The following DIAPH3 variants were observed in gnomAD, a reference collection of about 807,000 sequenced individuals.
DIAPH3 encodes the protein diaphanous related formin 3.
DIAPH3 carries 117 observed loss-of-function variants against 144.3 expected under a neutral mutation model. The observed-to-expected ratio is 0.81, with a 90% CI of 0.70 to 0.95. The LOEUF (loss-of-function observed/expected upper bound fraction) is 0.95, where lower values mean the gene tolerates loss of function less well. Among genes scored for constraint, DIAPH3 ranks in the 40% least tolerant of loss-of-function variants. The pLI is 0.00. For missense variants in DIAPH3, 1,421 were observed against 1,412.7 expected (o/e 1.01, Z -0.09); for synonymous variants, 519 against 488.9 (o/e 1.06, Z -0.81).
chr13:59,935,671 T>C (rs968491080), intron 17 of DIAPH3, among the ~76,000 whole-genome samples: 10 of 152,246 alleles, frequency 6.6e-5, no homozygotes, highest in African/African-American at 2.4e-4. Flanking sequence ...TTTAGTCATA[T>C]CTGGCTTCCC....
At chr13:59,976,869 C>T (rs549431224) in intron 14 of DIAPH3, among the ~76,000 whole-genome samples, 50 of 151,798 alleles carry the variant, frequency 3.3e-4, no homozygotes, top group Non-Finnish European at 5.2e-4. Flanking sequence ...TCAAGACAGA[C>T]GAAAAAACAT....
At chr13:60,083,910 T>C (rs1347922774) in intron 4 of DIAPH3, among the ~76,000 whole-genome samples, 13 of 2,164 alleles carry the variant, frequency 6.0e-3, no homozygotes. Context: ...GATGGACAGA[T>C]GGATGGATGG....
At chr13:60,053,055 T>C (rs1192892247) in intron 4 of DIAPH3, among the ~76,000 whole-genome samples, 1 of 149,442 alleles carries the variant, frequency 6.7e-6, no homozygotes, top group Non-Finnish European at 1.5e-5. Flanking sequence ...CCAGAGAGAC[T>C]ATTTTTCAAC....
chr13:60,114,642 GACACACACACAC>G (rs34572381), intron 2 of DIAPH3, among the ~76,000 whole-genome samples: 8 of 148,106 alleles, frequency 5.4e-5, no homozygotes, highest in South Asian at 4.3e-4. Flanking sequence ...GAATACAAAA[GACACACACACAC>G]ACACACACAC....
intron 4 of DIAPH3, among the ~76,000 whole-genome samples, chr13:60,073,192 T>C (rs1419586153): frequency 6.6e-6 from 1 of 151,606 alleles, no homozygotes. Flanking sequence ...GCCTGTAATC[T>C]CAGCTACTCA....
chr13:60,125,727 T>G (rs1222899498), intron 2 of DIAPH3, among the ~76,000 whole-genome samples: 1 of 152,070 alleles, frequency 6.6e-6, no homozygotes, highest in African/African-American at 2.4e-5. Flanking sequence ...AATTAAGCAG[T>G]TTCAAACAGC....
chr13:59,810,519 A>G (rs1304455139), intron 25 of DIAPH3, among the ~76,000 whole-genome samples: 1 of 152,240 alleles, frequency 6.6e-6, no homozygotes, highest in Non-Finnish European at 1.5e-5. Flanking sequence ...TTATTGAGGT[A>G]GTAATTAAAG....
intron 27 of DIAPH3, among the ~76,000 whole-genome samples, chr13:59,727,907 T>C (rs1241585522): frequency 2.0e-5 from 3 of 152,124 alleles, no homozygotes; most frequent in African/African-American, 7.2e-5. Flanking sequence ...TGGACAGTAA[T>C]TGATTCTAAG....
chr13:59,791,446 CTAT>C (rs1316486850), intron 25 of DIAPH3, among the ~76,000 whole-genome samples: 8 of 152,112 alleles, frequency 5.3e-5, no homozygotes. Context: ...TTCAAAGTAG[CTAT>C]TATCTAATCC....
rs2140272070 is a variant in DIAPH3 at position 59,918,255 on chromosome 13, A to T, written c.2171-2006T>A. ...AGAGAGAGAGATACTGTCCACTTGA[A>T]AAAAAAGAGAAGTGAACATAGAAAT... On this transcript the variant is annotated intron_variant, in intron 18 of 27. Coordinates refer to ENST00000400324, the MANE Select transcript of DIAPH3 (RefSeq NM_001042517.2). Among the ~76,000 whole-genome samples, 2 of 151,976 alleles carry T rather than the reference A, an allele frequency of 1.3e-5. 1 individual carries two copies. The highest frequency in any genetic ancestry group is 2.9e-5 in the Non-Finnish European group (2 of 67,950).
chr13:59,970,099 T>TA, intron 16 of DIAPH3, 41 bp from the exon 17 acceptor site: 1 of 1,206,672 alleles, frequency 8.3e-7, no homozygotes, highest in Non-Finnish European at 1.2e-6. Context: ...TAGGTGAGTG[T>TA]TTCACCTGTC....
intron 4 of DIAPH3, among the ~76,000 whole-genome samples, chr13:60,076,333 C>A (rs17057589): frequency 0.047 from 7,098 of 152,170 alleles, 245 homozygotes; most frequent in Admixed American, 0.093. Flanking sequence ...TCCGAAGAAA[C>A]CCCCTCTGTC....
intron 2 of DIAPH3, among the ~76,000 whole-genome samples, chr13:60,120,387 T>C (rs1320902202): frequency 6.6e-6 from 1 of 152,212 alleles, no homozygotes; most frequent in Non-Finnish European, 1.5e-5. Context: ...AACTGCATTC[T>C]GACTTCGATA....
intron 21 of DIAPH3, among the ~76,000 whole-genome samples, chr13:59,863,638 T>A (rs985834431): frequency 3.3e-5 from 5 of 152,016 alleles, no homozygotes; most frequent in African/African-American, 1.2e-4. Flanking sequence ...ATGACACATG[T>A]AATAGGTTCA....
chr13:59,868,480 T>C (rs986653325), intron 21 of DIAPH3, among the ~76,000 whole-genome samples: 3 of 152,164 alleles, frequency 2.0e-5, no homozygotes, highest in Non-Finnish European at 4.4e-5. Context: ...CTGTATACCC[T>C]TCCCTACACA....
At chr13:59,989,773 C>G (rs2051685926) in intron 12 of DIAPH3, among the ~76,000 whole-genome samples, 2 of 151,878 alleles carry the variant, frequency 1.3e-5, no homozygotes, top group Non-Finnish European at 1.5e-5. Flanking sequence ...ACCACATGCT[C>G]TCTTGGGGCA....
intron 27 of DIAPH3, among the ~76,000 whole-genome samples, chr13:59,758,391 T>C (rs542261220): frequency 6.6e-6 from 1 of 152,332 alleles, no homozygotes; most frequent in East Asian, 1.9e-4. Context: ...TACAGCTTCA[T>C]ACAACAACAT....
chr13:60,123,527 G>A (rs530346691), intron 2 of DIAPH3, among the ~76,000 whole-genome samples: 45 of 152,222 alleles, frequency 3.0e-4, no homozygotes, highest in Admixed American at 9.2e-4. Context: ...TAGTACTTAA[G>A]TATTACTACT....
chr13:60,103,435 A>C (rs1172561808), intron 3 of DIAPH3, among the ~76,000 whole-genome samples: 1 of 152,218 alleles, frequency 6.6e-6, no homozygotes, highest in East Asian at 1.9e-4. Context: ...GAATATATAC[A>C]AGCAGCAAGT....
Sources: allele counts gnomAD v4.1 joint callset (sites outside exome capture counted in the v4.1 genomes callset), GRCh38; gene constraint gnomAD v4.1.1; transcripts MANE v1.5; gene names NCBI Gene and HGNC (gene_info 2026-07-23, HGNC 2026-07-21).